The following HLCS variants were observed in gnomAD, a reference collection of about 807,000 sequenced individuals.
The protein encoded by HLCS is biotin--protein ligase.
Under a neutral mutation model 75.0 loss-of-function variants are expected in HLCS, and 53 were observed. The observed-to-expected ratio is 0.71, with a 90% confidence interval of 0.57 to 0.89. The LOEUF is 0.89. Among genes scored for constraint, HLCS ranks in the 40% least tolerant of loss-of-function variants. The pLI, the probability that HLCS is intolerant of heterozygous loss-of-function variation, is 0.00. For synonymous variants in HLCS, 431 were observed against 428.6 expected (o/e 1.01, Z -0.07); for missense variants, 966 against 1,074.0 (o/e 0.90, Z 1.41).
chr21:36,948,885 G>A (rs543466814), intron 2 of HLCS, among the ~76,000 whole-genome samples: 4 of 152,150 alleles, frequency 2.6e-5, no homozygotes, highest in East Asian at 3.9e-4. Context: ...GAGGAATTGC[G>A]AAACCATGAC....
chr21:36,814,965 G>A (rs1388268423), intron 6 of HLCS, among the ~76,000 whole-genome samples: 1 of 152,134 alleles, frequency 6.6e-6, no homozygotes, highest in Non-Finnish European at 1.5e-5. Flanking sequence ...GGCCAGGGAA[G>A]GCCATGTGAG....
intron 6 of HLCS, among the ~76,000 whole-genome samples, chr21:36,778,170 C>T (rs779967517): frequency 2.0e-5 from 3 of 152,040 alleles, no homozygotes; most frequent in South Asian, 2.1e-4. Context: ...GGGGTTTCAC[C>T]ATGTTAGCCA....
chr21:36,928,127 C>T (rs1453494218), intron 5 of HLCS, among the ~76,000 whole-genome samples: 2 of 152,146 alleles, frequency 1.3e-5, no homozygotes, highest in African/African-American at 2.4e-5. Context: ...CAGCTGCCTC[C>T]GGAAAGACCA....
At chr21:36,759,872 G>A (rs759595530) in intron 8 of HLCS, 31 bp from the exon 9 acceptor site, 27 of 1,354,486 alleles carry the variant, frequency 2.0e-5, no homozygotes, top group Non-Finnish European at 2.8e-5. Context: ...TAATTAAGCC[G>A]TCACAGGACA....
chr21:36,770,891 C>G (rs2060183956), intron 6 of HLCS, among the ~76,000 whole-genome samples: 1 of 152,046 alleles, frequency 6.6e-6, no homozygotes, highest in African/African-American at 2.4e-5. Context: ...TACAGAACTT[C>G]TAAGTATAAG....
chr21:36,875,696 C>T (rs1033573763), intron 6 of HLCS, among the ~76,000 whole-genome samples: 22 of 152,238 alleles, frequency 1.4e-4, no homozygotes, highest in African/African-American at 5.3e-4. Flanking sequence ...CTCTGCCTTG[C>T]TCGCCCTCCA....
chr21:36,974,518 A>G (rs113060453), intron 1 of HLCS: 25 of 152,342 alleles, frequency 1.6e-4, no homozygotes, highest in African/African-American at 6.0e-4. Flanking sequence ...TGAAGTTCTA[A>G]CCCCCAGTAC....
chr21:36,756,787 C>T, intron 9 of HLCS, 32 bp from the exon 10 acceptor site: 1 of 1,613,364 alleles, frequency 6.2e-7, no homozygotes, highest in Non-Finnish European at 8.5e-7. Context: ...AGCAGCTCAG[C>T]CTGTTGATGG....
intron 5 of HLCS, among the ~76,000 whole-genome samples, chr21:36,902,405 T>C (rs7276758): frequency 0.33 from 50,446 of 151,954 alleles, 8,666 homozygotes; most frequent in Middle Eastern, 0.46. Flanking sequence ...AGCTCACCCA[T>C]AGGGATGGGG....
chr21:36,811,623 A>G (rs1369311255), intron 6 of HLCS, among the ~76,000 whole-genome samples: 1 of 152,262 alleles, frequency 6.6e-6, no homozygotes, highest in African/African-American at 2.4e-5. Context: ...TGCTTGTTAC[A>G]GAACTAAGTA....
chr21:36,825,325 C>T (rs1022899049), intron 6 of HLCS, among the ~76,000 whole-genome samples: 2 of 152,028 alleles, frequency 1.3e-5, no homozygotes, highest in African/African-American at 4.8e-5. Flanking sequence ...AAGGTCACAG[C>T]TGCAGTAAGT....
chr21:36,822,227 C>T (rs1168970842), intron 6 of HLCS, among the ~76,000 whole-genome samples: 2 of 152,144 alleles, frequency 1.3e-5, no homozygotes, highest in African/African-American at 4.8e-5. Flanking sequence ...CGAAACCAGC[C>T]TGGCCAACAT....
intron 6 of HLCS, among the ~76,000 whole-genome samples, chr21:36,788,514 A>T (rs1279784864): frequency 6.6e-6 from 1 of 152,246 alleles, no homozygotes; most frequent in Admixed American, 6.5e-5. Context: ...TCACAAAATG[A>T]AACTGCCTGG....
intron 5 of HLCS, among the ~76,000 whole-genome samples, chr21:36,920,662 A>T (rs890516765): frequency 6.6e-5 from 10 of 152,176 alleles, no homozygotes; most frequent in Non-Finnish European, 1.2e-4. Context: ...TACCTATTAA[A>T]TTAAAATTAA....
chr21:36,934,062 T>C (rs1336381757), intron 4 of HLCS, among the ~76,000 whole-genome samples: 2 of 152,050 alleles, frequency 1.3e-5, no homozygotes. Flanking sequence ...CGCTCCCAAT[T>C]AGCAGGGAGA....
chr21:36,790,877 A>C (rs1232476236), intron 6 of HLCS, among the ~76,000 whole-genome samples: 1 of 152,198 alleles, frequency 6.6e-6, no homozygotes, highest in African/African-American at 2.4e-5. Context: ...AAAATGAGGA[A>C]GTCAGCAAAA....
At chr21:36,864,794 A>G (rs1459445614) in intron 6 of HLCS, among the ~76,000 whole-genome samples, 1 of 152,184 alleles carries the variant, frequency 6.6e-6, no homozygotes, top group African/African-American at 2.4e-5. Flanking sequence ...AGACAAGGTT[A>G]ACATCAATTC....
chr21:36,918,084 A>C (rs2066008125), intron 5 of HLCS, among the ~76,000 whole-genome samples: 1 of 152,238 alleles, frequency 6.6e-6, no homozygotes, highest in South Asian at 2.1e-4. Flanking sequence ...TTACTTGCAT[A>C]GAAAGCCTTT....
intron 5 of HLCS, among the ~76,000 whole-genome samples, chr21:36,912,469 A>C (rs2065760756): frequency 6.6e-6 from 1 of 152,158 alleles, no homozygotes. Context: ...AGTAGAACAG[A>C]GGTTACCAGG....
Sources: gnomAD v4.1 joint callset for allele counts (sites outside exome capture counted in the v4.1 genomes callset) on GRCh38, gnomAD v4.1.1 for gene constraint, MANE v1.5 for transcripts, NCBI Gene and HGNC (gene_info 2026-07-23, HGNC 2026-07-21) for gene names.